Variants in POSTN observed in about 807,000 individuals in gnomAD.
POSTN encodes osteoblast specific factor 2 (fasciclin I-like).
Under a neutral mutation model 104.5 loss-of-function variants are expected in POSTN, and 71 were observed. The observed-to-expected ratio is 0.68, with a 90% CI of 0.56 to 0.83. The LOEUF (loss-of-function observed/expected upper bound fraction) is 0.83, where lower values mean the gene tolerates loss of function less well. POSTN is among the 40% of genes least tolerant of loss of function. The probability of loss-of-function intolerance (pLI) is 0.00; values close to 1 mark genes in which losing one functional copy is unlikely to be tolerated. For synonymous variants in POSTN, 355 were observed against 340.7 expected (o/e 1.04, Z -0.46); for missense variants, 949 against 1,006.8 (o/e 0.94, Z 0.78).
At position 37,579,011 on chromosome 13, in the gene POSTN, T is replaced by G. The variant is rs754461151; in HGVS notation, c.1894+8A>C. 33 of 1,611,894 alleles carry G rather than the reference T, an allele frequency of 2.0e-5. No homozygotes were observed. Among genetic ancestry groups the G allele is most frequent in the Non-Finnish European group, 2.7e-5 (32 of 1,179,124 alleles). On this transcript the variant is annotated splice_region_variant and intron_variant, in intron 14 of 22. Transcript: ENST00000379747. ...CTTAGCCTATCAATGAGTTCAATAA[T>G]TACAAACCTGCTGGATAGAGGAGTT...
Position 37,579,047 on chromosome 13 carries a change from A to G in POSTN, c.1866T>C (p.His622=). The G allele has an allele frequency of 4.3e-6, 7 of 1,613,516 alleles. No individual in the cohort carries two copies. Among genetic ancestry groups the G allele is most frequent in the South Asian group, 1.1e-5 (1 of 91,054 alleles). ...CTGGATAGAGGAGTTTATCTACAAC[A>G]TGAATTACACCATTTGTTGTCATGA... ...SDIMTTNGVI[H]VVDKLLYPAD... Residue 622 remains histidine, a synonymous_variant, in exon 14 of 23, where the codon CAT becomes CAC. Coordinates refer to ENST00000379747, the MANE Select transcript of POSTN (RefSeq NM_006475.3).
intron 17 of POSTN, among the ~76,000 whole-genome samples, chr13:37,571,904 C>T (rs1269044677): frequency 6.6e-6 from 1 of 151,268 alleles, no homozygotes; most frequent in Non-Finnish European, 1.5e-5. Flanking sequence ...TCACTCAGTA[C>T]CTTATATTTT....
chr13:37,567,335 G>T (rs1415418805), intron 21 of POSTN, among the ~76,000 whole-genome samples: 1 of 150,232 alleles, frequency 6.7e-6, no homozygotes, highest in East Asian at 2.0e-4. Flanking sequence ...TTGAGTTGAA[G>T]AGCATGGTTC....
In POSTN at chr13:37,598,652, A is replaced by G. The variant is rs900868589; in HGVS notation, c.75T>C (p.Tyr25=). 6.2e-7 allele frequency: 1 copy of G among 1,613,614 alleles called. No individual in the cohort carries two copies. The highest frequency in any genetic ancestry group is 8.5e-7 in the Non-Finnish European group (1 of 1,179,574). The change falls in exon 1 of 23, where the codon TAT becomes TAC. Residue 25 remains tyrosine, a synonymous_variant. Coordinates refer to ENST00000379747, the MANE Select transcript of POSTN (RefSeq NM_006475.3). ...IVNPINANNH[Y]DKILAHSRIR... ...TACGACTATGAGCCAAGATCTTGTC[A>G]TAATGATTGTTGGCGTTTATAGGGT...
chr13:37,580,676 A>G lies in POSTN; in HGVS notation c.1414T>C (p.Cys472Arg). The G allele has an allele frequency of 1.2e-6, 2 of 1,614,136 alleles. No homozygotes were observed. Among genetic ancestry groups the G allele is most frequent in the East Asian group, 2.2e-5 (1 of 44,876 alleles). ...YRTAVCIENS[C>R]MEKGSKQGRN... Reference sequence around the variant, plus strand: ...CCTTGCTTACTCCCTTTCTCCATGCATGAATTTTCAATGCAGACAGCCTAG... The same window carrying G: ...CCTTGCTTACTCCCTTTCTCCATGCGTGAATTTTCAATGCAGACAGCCTAG... The change falls in exon 11 of 23, where the codon TGC (cysteine) becomes CGC (arginine). Residue 472 changes from cysteine (C) to arginine (R), a missense_variant. Transcript: ENST00000379747.
At chr13:37,583,383 C>T (rs143569139) in intron 9 of POSTN, among the ~76,000 whole-genome samples, 3,170 of 149,716 alleles carry the variant, frequency 0.021, 43 homozygotes, top group Non-Finnish European at 0.032. Context: ...TCAATGCATC[C>T]TTATTGTGCT....
intron 18 of POSTN, 143 bp from the exon 19 acceptor site, chr13:37,570,812 C>A: frequency 1.7e-6 from 1 of 598,986 alleles, no homozygotes; most frequent in Non-Finnish European, 2.9e-6. Context: ...AGAACATATC[C>A]CCCAAAAATC....
intron 9 of POSTN, 67 bp downstream of exon 9, chr13:37,583,902 A>T: frequency 6.5e-7 from 1 of 1,543,530 alleles, no homozygotes; most frequent in Non-Finnish European, 8.8e-7. Flanking sequence ...TTCTTATTGC[A>T]AACAATCATC....
chr13:37,597,104 T>G, intron 2 of POSTN, 80 bp downstream of exon 2: 1 of 866,428 alleles, frequency 1.2e-6, no homozygotes, highest in Non-Finnish European at 1.7e-6. Flanking sequence ...AGAAGAATGG[T>G]GTGTACACCC....
intron 10 of POSTN, among the ~76,000 whole-genome samples, chr13:37,581,037 C>T (rs182045976): frequency 2.8e-4 from 42 of 152,278 alleles, no homozygotes; most frequent in Admixed American, 2.4e-3. Context: ...TTGGCCAACA[C>T]TATCTGTAAG....
At position 37,582,456 on chromosome 13, in the gene POSTN, C is replaced by T. The variant is rs753410406; in HGVS notation, c.1302G>A (p.Leu434=). Residue 434 remains leucine, a synonymous_variant, in exon 10 of 23, where the codon TTG becomes TTA. Coordinates refer to ENST00000379747, the MANE Select transcript of POSTN (RefSeq NM_006475.3). ...LLKLILQNHI[L]KVKVGLNELY... is the part of the protein sequence containing the mutation. ...GCTCATTAAGGCCAACTTTTACTTT[C>T]AATATGTGATTCTGCAGAATTAATT... 5.0e-6 allele frequency: 8 copies of T among 1,613,636 alleles called. No homozygotes were observed. Among genetic ancestry groups the T allele is most frequent in the East Asian group, 2.2e-5 (1 of 44,850 alleles).
intron 9 of POSTN, among the ~76,000 whole-genome samples, chr13:37,583,710 CCA>C (rs1193219123): frequency 6.6e-6 from 1 of 152,030 alleles, no homozygotes; most frequent in Non-Finnish European, 1.5e-5. Flanking sequence ...CAGGTGTGAG[CCA>C]CCACGCCTGG....
intron 8 of POSTN, 123 bp from the exon 9 acceptor site, chr13:37,584,226 G>T: frequency 1.7e-6 from 2 of 1,198,382 alleles, no homozygotes; most frequent in Non-Finnish European, 2.3e-6. Context: ...ATGTCAGTGT[G>T]ATAAGACATC....
At chr13:37,575,389 T>C (rs1356052690) in intron 16 of POSTN, among the ~76,000 whole-genome samples, 4 of 152,014 alleles carry the variant, frequency 2.6e-5, no homozygotes, top group Non-Finnish European at 4.4e-5. Context: ...ATGGGTTCAC[T>C]AGAAGCCTAA....
Position 37,570,653 on chromosome 13 carries a change from T to A in POSTN, c.2196A>T (p.Lys732Asn). 3 of 1,605,258 alleles carry A rather than the reference T, an allele frequency of 1.9e-6. No individual in the cohort carries two copies. The highest frequency in any genetic ancestry group is 2.6e-6 in the Non-Finnish European group (3 of 1,172,480). Reference sequence around the variant, plus strand: ...GCACTCCATCAATGATTTTGGTGTATTTTTTAATAATTGGCTCTAAAAGCA... The same window carrying A: ...GCACTCCATCAATGATTTTGGTGTAATTTTTAATAATTGGCTCTAAAAGCA... ...EVIHGEPIIKKYTKIIDGVPV... is the reference protein window; with the variant it reads ...EVIHGEPIIKNYTKIIDGVPV... Residue 732 changes from lysine (K) to asparagine (N), a missense_variant, in exon 19 of 23, where the codon AAA becomes AAT. By Grantham distance (94) the Lys-to-Asn change is moderately conservative. Transcript: ENST00000379747.
At chr13:37,568,806 G>A (rs1950183235) in intron 21 of POSTN, 1 of 151,836 alleles carries the variant, frequency 6.6e-6, no homozygotes, top group Non-Finnish European at 1.5e-5. Flanking sequence ...CACTCAAACT[G>A]TTAGAAGAAA....
chr13:37,577,626 T>C, intron 16 of POSTN, 127 bp downstream of exon 16: 1 of 1,370,534 alleles, frequency 7.3e-7, no homozygotes, highest in Non-Finnish European at 9.5e-7. Flanking sequence ...TCAAGTGAAA[T>C]GAGATTGGCC....
intron 9 of POSTN, among the ~76,000 whole-genome samples, chr13:37,583,616 G>T: frequency 6.6e-6 from 1 of 151,658 alleles, no homozygotes; most frequent in Non-Finnish European, 1.5e-5. Context: ...GTAGAGATGG[G>T]TTCTCACCAT....
At chr13:37,591,330 T>C (rs1950927035) in intron 3 of POSTN, among the ~76,000 whole-genome samples, 1 of 152,172 alleles carries the variant, frequency 6.6e-6, no homozygotes, top group African/African-American at 2.4e-5. Flanking sequence ...GATTCTAAAT[T>C]CAATATAAGC....
Sources: gnomAD v4.1 joint callset for allele counts (sites outside exome capture counted in the v4.1 genomes callset) on GRCh38, gnomAD v4.1.1 for gene constraint, MANE v1.5 for transcripts, NCBI Gene and HGNC (gene_info 2026-07-23, HGNC 2026-07-21) for gene names.